The following PDE4D variants were observed in gnomAD, a reference collection of about 807,000 sequenced individuals.
PDE4D encodes the protein phosphodiesterase 4D.
A neutral mutation model predicts 87.4 loss-of-function variants in PDE4D; 24 were observed. The ratio of observed to expected loss-of-function variants is 0.27; its 90% CI spans 0.20 to 0.39. PDE4D has a LOEUF of 0.39. Among genes scored for constraint, PDE4D ranks in the 10% least tolerant of loss-of-function variants. The pLI, the probability that PDE4D is intolerant of heterozygous loss-of-function variation, is 1.00. For missense variants in PDE4D, 714 were observed against 1,041.0 expected (o/e 0.69, Z 4.32); for synonymous variants, 384 against 383.2 (o/e 1.00, Z -0.02).
intron 2 of PDE4D, among the ~76,000 whole-genome samples, chr5:60,040,167 C>G (rs935223322): frequency 6.6e-6 from 1 of 152,082 alleles, no homozygotes; most frequent in Admixed American, 6.6e-5. Flanking sequence ...ATTTGATTAG[C>G]GTCTAAGCAA....
intron 1 of PDE4D, among the ~76,000 whole-genome samples, chr5:59,720,854 A>T (rs1755723927): frequency 6.6e-6 from 1 of 152,126 alleles, no homozygotes; most frequent in Non-Finnish European, 1.5e-5. Context: ...AGTCTAAACA[A>T]GGGCCTTAGT....
At chr5:59,297,645 G>A (rs1769346772) in intron 1 of PDE4D, among the ~76,000 whole-genome samples, 1 of 152,030 alleles carries the variant, frequency 6.6e-6, no homozygotes, top group South Asian at 2.1e-4. Flanking sequence ...ATCCTCCTAT[G>A]TCCCCAGTAC....
chr5:59,722,305 T>C (rs1304678212), intron 1 of PDE4D, among the ~76,000 whole-genome samples: 1 of 152,208 alleles, frequency 6.6e-6, no homozygotes, highest in East Asian at 1.9e-4. Flanking sequence ...TGCAAGTCTC[T>C]AATACAAGAT....
chr5:60,473,925 G>A (rs1277246756), intron 1 of PDE4D, among the ~76,000 whole-genome samples: 1 of 142,400 alleles, frequency 7.0e-6, no homozygotes, highest in Non-Finnish European at 1.5e-5. Flanking sequence ...CCTTTACCTA[G>A]AGTAAAACAA....
At position 59,967,697 on chromosome 5, in the gene PDE4D, A is replaced by G. The variant is rs181195857; in HGVS notation, c.272+20791T>C. On this transcript the variant is annotated intron_variant, in intron 3 of 16. Transcript: ENST00000502484. ...TTGGAAAGCAGTCTGGAGATTTCTC[A>G]AAGAACTTAAAACAGAATTACCATT... 2.0e-5 allele frequency among the ~76,000 whole-genome samples: 3 copies of G among 152,294 alleles called. No homozygotes were observed. In the East Asian group the frequency reaches 5.8e-4, roughly 29 times the overall value.
At chr5:59,702,314 C>T (rs548431108) in intron 1 of PDE4D, among the ~76,000 whole-genome samples, 15 of 152,058 alleles carry the variant, frequency 9.9e-5, no homozygotes, top group South Asian at 4.2e-4. Context: ...TTAGTAGAGA[C>T]GGGGTTTCAC....
At chr5:59,739,700 C>T (rs964535427) in intron 1 of PDE4D, among the ~76,000 whole-genome samples, 11 of 152,160 alleles carry the variant, frequency 7.2e-5, no homozygotes, top group African/African-American at 2.7e-4. Context: ...AAGCAGAACA[C>T]GATGTCACCT....
intron 2 of PDE4D, among the ~76,000 whole-genome samples, chr5:60,013,859 T>C (rs1258101926): frequency 2.1e-5 from 3 of 141,086 alleles, no homozygotes; most frequent in Non-Finnish European, 3.2e-5. Flanking sequence ...TCAGCCTCCA[T>C]ATAAAAAATC....
intron 1 of PDE4D, among the ~76,000 whole-genome samples, chr5:59,563,938 A>C (rs887374259): frequency 2.6e-5 from 4 of 152,176 alleles, no homozygotes; most frequent in African/African-American, 9.7e-5. Flanking sequence ...AACAGGTTGG[A>C]ATAAGCAAGA....
intron 1 of PDE4D, among the ~76,000 whole-genome samples, chr5:59,853,408 G>A (rs1257470432): frequency 1.3e-5 from 2 of 151,912 alleles, no homozygotes; most frequent in Non-Finnish European, 2.9e-5. Context: ...AAATCCTAAA[G>A]CTAATTATAA....
chr5:60,356,784 C>T (rs1356441052), intron 1 of PDE4D, among the ~76,000 whole-genome samples: 2 of 152,156 alleles, frequency 1.3e-5, no homozygotes, highest in Non-Finnish European at 2.9e-5. Flanking sequence ...TAGCTTTCAT[C>T]ACACTTGTTT....
chr5:60,205,155 G>A (rs948808178), intron 1 of PDE4D, among the ~76,000 whole-genome samples: 2 of 152,124 alleles, frequency 1.3e-5, no homozygotes, highest in East Asian at 1.9e-4. Flanking sequence ...TAGGTCCGCT[G>A]TCAGCTGCCA....
chr5:59,908,943 T>A lies in PDE4D; in HGVS notation c.272+79545A>T, dbSNP rs1026955847. Among the ~76,000 whole-genome samples, 3 of 152,240 alleles carry A rather than the reference T, an allele frequency of 2.0e-5. No homozygotes were observed. In the South Asian group the frequency reaches 6.2e-4, roughly 32 times the overall value. On this transcript the variant is annotated intron_variant, in intron 3 of 16. Transcript: ENST00000502484. The stretch of plus-strand genomic sequence containing the variant: ...TACAGATATTCCCATACCCATCATT[T>A]GATCTTATATTTTCAACTTGGTTTA...
At chr5:60,310,169 T>C (rs115547292) in intron 1 of PDE4D, among the ~76,000 whole-genome samples, 1 of 152,138 alleles carries the variant, frequency 6.6e-6, no homozygotes, top group South Asian at 2.1e-4. Flanking sequence ...TCTCTTTTTT[T>C]AAAAATGCAA....
chr5:59,545,695 T>C (rs1817149433), intron 1 of PDE4D, among the ~76,000 whole-genome samples: 1 of 152,204 alleles, frequency 6.6e-6, no homozygotes, highest in South Asian at 2.1e-4. Context: ...AGAGCTATAT[T>C]GAGTAAAACC....
At chr5:60,070,289 T>C (rs1221500688) in intron 2 of PDE4D, among the ~76,000 whole-genome samples, 1 of 152,146 alleles carries the variant, frequency 6.6e-6, no homozygotes, top group Admixed American at 6.6e-5. Flanking sequence ...TCATTCGGTT[T>C]TTCACCATTG....
At chr5:60,030,012 T>G (rs896798494) in intron 2 of PDE4D, among the ~76,000 whole-genome samples, 9 of 152,156 alleles carry the variant, frequency 5.9e-5, no homozygotes, top group African/African-American at 2.2e-4. Flanking sequence ...AGACCATAAA[T>G]GCAAGTTACA....
intron 5 of PDE4D, among the ~76,000 whole-genome samples, chr5:59,150,051 T>A (rs1779257771): frequency 6.6e-6 from 1 of 152,114 alleles, no homozygotes; most frequent in African/African-American, 2.4e-5. Flanking sequence ...TAGAGTCCTG[T>A]CATGTGGGAG....
intron 1 of PDE4D, among the ~76,000 whole-genome samples, chr5:59,609,401 T>C (rs367648298): frequency 0.12 from 3,869 of 33,244 alleles, 132 homozygotes; most frequent in African/African-American, 0.22. Context: ...CACACACACA[T>C]ATATATATGT....
Sources: allele counts gnomAD v4.1 joint callset (sites outside exome capture counted in the v4.1 genomes callset), GRCh38; gene constraint gnomAD v4.1.1; transcripts MANE v1.5; gene names NCBI Gene and HGNC (gene_info 2026-07-23, HGNC 2026-07-21).